Variants in SAMD15 observed in about 807,000 individuals in gnomAD.
SAMD15 encodes the protein sterile alpha motif domain containing 15.
Under a neutral mutation model 50.5 loss-of-function variants are expected in SAMD15, and 37 were observed. The observed-to-expected ratio is 0.73, with a 90% CI of 0.56 to 0.96. SAMD15 has a LOEUF of 0.96. Among genes scored for constraint, SAMD15 ranks in the 40% least tolerant of loss-of-function variants. The pLI is 0.00. For synonymous variants in SAMD15, 255 were observed against 282.8 expected (o/e 0.90, Z 0.99); for missense variants, 789 against 783.8 (o/e 1.01, Z -0.08).
intron 1 of SAMD15, among the ~76,000 whole-genome samples, chr14:77,379,819 G>A (rs961299187): frequency 2.0e-5 from 3 of 152,146 alleles, no homozygotes; most frequent in African/African-American, 7.2e-5. Context: ...TTTTTAAAGT[G>A]TCTGCCCCAA....
rs1448439589 is a variant in SAMD15, at chr14:77,389,338, A to T, written c.1789-1670A>T. On this transcript the variant is annotated intron_variant, in intron 2 of 2. Transcript: ENST00000216471. ...AACTCTGACCAGTAGCTTTAAATTA[A>T]AAAAAAAACAACAAAAAAGTCCATT... Among the ~76,000 whole-genome samples the T allele has an allele frequency of 8.7e-5, 3 of 34,360 alleles. No homozygotes were observed. The African/African-American group carries it at 2.5e-3, about 28-fold the overall frequency. 22.5% of individuals were successfully genotyped at this position (34,360 alleles called of 152,430 possible).
At chr14:77,382,165 C>T (rs929322350) in intron 2 of SAMD15, among the ~76,000 whole-genome samples, 3 of 150,898 alleles carry the variant, frequency 2.0e-5, no homozygotes, top group Non-Finnish European at 1.5e-5. Context: ...CACTCCGTTG[C>T]CCAGGCTGGA....
At chr14:77,388,357 CAAG>C (rs942555820) in intron 2 of SAMD15, among the ~76,000 whole-genome samples, 3 of 150,672 alleles carry the variant, frequency 2.0e-5, no homozygotes, top group Admixed American at 6.6e-5. Context: ...GCATCACAAA[CAAG>C]AAGTCTTAGA....
rs1894078674 is a variant in SAMD15, at chr14:77,391,937, C to T, written c.*693C>T. Reference sequence around the variant, plus strand: ...GGCATGGTGGCACATGCCTGTAGTCCCAGCTACTCAGGAGGCTGAGGCAGA... The same window carrying T: ...GGCATGGTGGCACATGCCTGTAGTCTCAGCTACTCAGGAGGCTGAGGCAGA... On this transcript the variant is annotated 3_prime_UTR_variant, in exon 3 of 3. Coordinates refer to ENST00000216471, the MANE Select transcript of SAMD15 (RefSeq NM_001010860.4). Among the ~76,000 whole-genome samples, 1 of 152,030 alleles carries T rather than the reference C, an allele frequency of 6.6e-6. No homozygotes were observed. Among genetic ancestry groups the T allele is most frequent in the Non-Finnish European group, 1.5e-5 (1 of 67,996 alleles).
rs778441856 is a variant in SAMD15, at chr14:77,378,200, G to C, written c.782G>C (p.Arg261Thr). The C allele has an allele frequency of 2.5e-6, 4 of 1,613,898 alleles. No individual in the cohort carries two copies. Among genetic ancestry groups the C allele is most frequent in the Non-Finnish European group, 3.4e-6 (4 of 1,180,014 alleles). ...KKRTEPPEQA[R>T]LEFLEKEPRK... The stretch of plus-strand genomic sequence containing the variant: ...AGGACAGAGCCACCCGAGCAGGCTA[G>C]ACTGGAATTTCTGGAGAAGGAACCA... The change falls in exon 1 of 3, where the codon AGA becomes ACA. Residue 261 changes from arginine (R) to threonine (T), a missense_variant. By Grantham distance (71) the Arg-to-Thr change is moderately conservative (BLOSUM62 -1). This residue lies in a region of SAMD15 where 770 missense variants were observed against 745.4 expected (regional missense o/e 1.03). Transcript: ENST00000216471.
chr14:77,382,402 C>T (rs893735389), intron 2 of SAMD15, among the ~76,000 whole-genome samples: 3 of 152,246 alleles, frequency 2.0e-5, no homozygotes, highest in African/African-American at 7.2e-5. Flanking sequence ...GGACTACAGG[C>T]GTGAGCCACC....
intron 2 of SAMD15, among the ~76,000 whole-genome samples, chr14:77,390,336 C>T (rs867089635): frequency 6.6e-6 from 1 of 151,994 alleles, no homozygotes; most frequent in South Asian, 2.1e-4. Flanking sequence ...ATTAACTGAG[C>T]CCCATATAGA....
Position 77,378,341 on chromosome 14 carries a change from C to A in SAMD15, c.923C>A (p.Thr308Asn). The stretch of plus-strand genomic sequence containing the variant: ...AAAGGGACAGAACTACCTGAGCGGA[C>A]TAAACCAGACTTTCCAGACCACAAG... Reference protein sequence around the residue: ...EEKGTELPERTKPDFPDHKPR... With the variant: ...EEKGTELPERNKPDFPDHKPR... The change falls in exon 1 of 3, where the codon ACT (threonine) becomes AAT (asparagine). Residue 308 changes from threonine (T) to asparagine (N), a missense_variant. Transcript: ENST00000216471. The A allele has an allele frequency of 6.2e-7, 1 of 1,612,778 alleles. No individual in the cohort carries two copies. Among genetic ancestry groups the A allele is most frequent in the Non-Finnish European group, 8.5e-7 (1 of 1,179,698 alleles).
intron 2 of SAMD15, among the ~76,000 whole-genome samples, chr14:77,385,899 G>A (rs2139652024): frequency 6.8e-6 from 1 of 146,002 alleles, no homozygotes; most frequent in East Asian, 2.0e-4. Flanking sequence ...CCAGGATGGT[G>A]TGCAGTGGTG....
rs1250044379 is a variant in SAMD15 at position 77,378,705 on chromosome 14, G to C, written c.1287G>C (p.Lys429Asn). The C allele has an allele frequency of 3.1e-6, 5 of 1,614,068 alleles. No individual in the cohort carries two copies. In the Admixed American group the frequency reaches 8.3e-5, roughly 27 times the overall value. Reference sequence around the variant, plus strand: ...AGGAAGACAGGCCAGAACCAATAAAGTCTAAGTATTCTGTAGGAAACGATG... The same window carrying C: ...AGGAAGACAGGCCAGAACCAATAAACTCTAAGTATTCTGTAGGAAACGATG... ...FSKEDRPEPIKSKYSVGNDEL... is the reference protein window; with the variant it reads ...FSKEDRPEPINSKYSVGNDEL... The change falls in exon 1 of 3, where the codon AAG (lysine) becomes AAC (asparagine). Residue 429 changes from lysine to asparagine, a missense_variant. By Grantham distance (94) the Lys-to-Asn change is moderately conservative (BLOSUM62 0). Transcript: ENST00000216471.
intron 2 of SAMD15, among the ~76,000 whole-genome samples, chr14:77,382,087 C>T (rs905114761): frequency 4.0e-5 from 6 of 151,552 alleles, no homozygotes; most frequent in South Asian, 2.1e-4. Context: ...CAGGTGTGCG[C>T]AACCATGCCC....
rs773696626 is a variant in SAMD15, at chr14:77,377,952, G to A, written c.534G>A (p.Glu178=). ...AGGTTTCGGGGGCCACAGTCAGAGA[G>A]AGAAATTTAGAATTACTAGAGGAGG... ...MSEVSGATVR[E]RNLELLEEET... The change falls in exon 1 of 3, where the codon GAG becomes GAA. Residue 178 remains glutamate, a synonymous_variant. Coordinates refer to ENST00000216471, the MANE Select transcript of SAMD15 (RefSeq NM_001010860.4). 5 of 1,614,050 alleles carry A rather than the reference G, an allele frequency of 3.1e-6. No individual in the cohort carries two copies. Among genetic ancestry groups the A allele is most frequent in the East Asian group, 4.5e-5 (2 of 44,890 alleles).
At chr14:77,381,612 C>CTAGA (rs1893943650) in intron 2 of SAMD15, among the ~76,000 whole-genome samples, 1 of 152,176 alleles carries the variant, frequency 6.6e-6, no homozygotes, top group African/African-American at 2.4e-5. Flanking sequence ...AATCTCTTCC[C>CTAGA]TAGATGACTC....
At chr14:77,387,906 G>A (rs1894023981) in intron 2 of SAMD15, among the ~76,000 whole-genome samples, 1 of 152,102 alleles carries the variant, frequency 6.6e-6, no homozygotes, top group Non-Finnish European at 1.5e-5. Flanking sequence ...AGCAGGGTAT[G>A]TTGTCATGCA....
intron 2 of SAMD15, among the ~76,000 whole-genome samples, chr14:77,388,230 A>G (rs1566702027): frequency 6.6e-6 from 1 of 152,148 alleles, no homozygotes; most frequent in Non-Finnish European, 1.5e-5. Flanking sequence ...TTTGTGAAAT[A>G]ACCTTTTCTA....
chr14:77,390,373 A>G (rs1894058456), intron 2 of SAMD15, among the ~76,000 whole-genome samples: 1 of 152,094 alleles, frequency 6.6e-6, no homozygotes, highest in African/African-American at 2.4e-5. Context: ...CTTCCCAGAG[A>G]CAGTCATGGC....
chr14:77,378,114 A>T lies in SAMD15; in HGVS notation c.696A>T (p.Pro232=). The T allele has an allele frequency of 6.2e-7, 1 of 1,613,908 alleles. No individual in the cohort carries two copies. Among genetic ancestry groups the T allele is most frequent in the Non-Finnish European group, 8.5e-7 (1 of 1,180,000 alleles). The change falls in exon 1 of 3, where the codon CCA becomes CCT. Residue 232 remains proline, a synonymous_variant. Transcript: ENST00000216471. ...CACTTGAAGAGACAGATCTTCAGCC[A>T]CCAAAGATGACCAAACCAGAGACTC... The part of the protein sequence containing the change: ...GESLEETDLQ[P]PKMTKPETPE...
Position 77,391,443 on chromosome 14 carries a change from G to A in SAMD15, c.*199G>A, listed in dbSNP as rs1362976597. 4.5e-6 allele frequency: 2 copies of A among 445,298 alleles called. No individual in the cohort carries two copies. The highest frequency in any genetic ancestry group is 7.9e-6 in the Non-Finnish European group (2 of 254,008). The allele number at this position is 445,298 out of a possible 1,614,324, so 27.6% of individuals were successfully genotyped here. Reference sequence around the variant, plus strand: ...TGCGATTCTCCTGTCTCAGCCTCCCGAGTAGCTGGGATTACAGGCATCCGC... The same window carrying A: ...TGCGATTCTCCTGTCTCAGCCTCCCAAGTAGCTGGGATTACAGGCATCCGC... On this transcript the variant is annotated 3_prime_UTR_variant, in exon 3 of 3. Transcript: ENST00000216471.
Position 77,378,077 on chromosome 14 carries a change from A to G in SAMD15, c.659A>G (p.Lys220Arg). Residue 220 changes from lysine to arginine, a missense_variant, in exon 1 of 3, where the codon AAA becomes AGA. Physicochemically the swap from Lys to Arg is conservative, Grantham distance 26. Transcript: ENST00000216471. ...EQTKQDFPSEKLGESLEETDL... is the reference protein window; with the variant it reads ...EQTKQDFPSERLGESLEETDL... The stretch of plus-strand genomic sequence containing the variant: ...ACCAAACAAGATTTTCCAAGTGAGA[A>G]ACTAGGAGAATCACTTGAAGAGACA... 1 of 1,613,820 alleles carries G rather than the reference A, an allele frequency of 6.2e-7. No homozygotes were observed. The highest frequency in any genetic ancestry group is 8.5e-7 in the Non-Finnish European group (1 of 1,179,920).
Sources: gnomAD v4.1 joint callset for allele counts (sites outside exome capture counted in the v4.1 genomes callset) on GRCh38, gnomAD v4.1.1 for gene constraint, gnomAD v4.1.1 regional missense constraint, MANE v1.5 for transcripts, NCBI Gene and HGNC (gene_info 2026-07-23, HGNC 2026-07-21) for gene names.